GRID2: variants seen among roughly 807,000 people sequenced by gnomAD.
GRID2 encodes glutamate ionotropic receptor delta type subunit 2.
GRID2 carries 33 observed loss-of-function variants against 114.8 expected under a neutral mutation model. The observed-to-expected ratio is 0.29, with a 90% CI of 0.22 to 0.38. The LOEUF (loss-of-function observed/expected upper bound fraction) is 0.38, where lower values mean the gene tolerates loss of function less well. GRID2 is among the 10% of genes least tolerant of loss of function. The pLI is 1.00. For synonymous variants in GRID2, 505 were observed against 449.9 expected (o/e 1.12, Z -1.55); for missense variants, 1,184 against 1,257.7 (o/e 0.94, Z 0.89).
At chr4:92,648,899 G>C (rs1003947664) in intron 2 of GRID2, among the ~76,000 whole-genome samples, 1 of 144,782 alleles carries the variant, frequency 6.9e-6, no homozygotes, top group Non-Finnish European at 1.5e-5. Context: ...TATATTATCA[G>C]ATACATAAAT....
At chr4:93,048,978 C>T (rs372070749) in intron 2 of GRID2, among the ~76,000 whole-genome samples, 5 of 151,940 alleles carry the variant, frequency 3.3e-5, no homozygotes, top group Admixed American at 6.6e-5. Context: ...CTTTGATTTC[C>T]TTGGTGGCCT....
intron 13 of GRID2, among the ~76,000 whole-genome samples, chr4:93,606,531 C>T (rs943809496): frequency 1.3e-5 from 2 of 152,100 alleles, no homozygotes; most frequent in Admixed American, 6.5e-5. Context: ...CAAAAGCAAA[C>T]TTTCTCCCTA....
chr4:92,388,682 C>T (rs1030097450), intron 1 of GRID2, among the ~76,000 whole-genome samples: 3 of 152,000 alleles, frequency 2.0e-5, no homozygotes, highest in South Asian at 2.1e-4. Flanking sequence ...TCCCTACTTC[C>T]GTAGCATTCA....
chr4:93,332,291 T>TGAGAGAGAGAGAGA (rs1439107466), intron 8 of GRID2, among the ~76,000 whole-genome samples: 13 of 107,336 alleles, frequency 1.2e-4, no homozygotes, highest in African/African-American at 6.0e-4. Context: ...TGTGTGTGTG[T>TGAGAGAGAGAGAGA]GTGTGTGTGA....
intron 14 of GRID2, among the ~76,000 whole-genome samples, chr4:93,667,849 GATTTAACGTAAT>G (rs1724081202): frequency 1.3e-5 from 2 of 152,000 alleles, no homozygotes; most frequent in South Asian, 2.1e-4. Context: ...TGTGAAACAA[GATTTAACGTAAT>G]GCAGTGTAGG....
chr4:93,138,984 A>T (rs187005282), intron 4 of GRID2, among the ~76,000 whole-genome samples: 1 of 152,254 alleles, frequency 6.6e-6, no homozygotes, highest in East Asian at 1.9e-4. Flanking sequence ...TACTCTAAAC[A>T]TTTTATAGTT....
At chr4:92,844,314 G>T (rs1743132207) in intron 2 of GRID2, among the ~76,000 whole-genome samples, 1 of 151,926 alleles carries the variant, frequency 6.6e-6, no homozygotes, top group East Asian at 1.9e-4. Context: ...CAAGACGGGT[G>T]GATTATTGGA....
At chr4:93,377,807 T>A (rs1369063432) in intron 8 of GRID2, among the ~76,000 whole-genome samples, 1 of 152,078 alleles carries the variant, frequency 6.6e-6, no homozygotes, top group Non-Finnish European at 1.5e-5. Flanking sequence ...AATTGACAGT[T>A]TTTACTTTAC....
intron 2 of GRID2, among the ~76,000 whole-genome samples, chr4:92,706,309 A>G (rs1296251228): frequency 1.3e-5 from 2 of 152,206 alleles, no homozygotes; most frequent in Non-Finnish European, 2.9e-5. Context: ...CAACGGTTTA[A>G]TGATACTAGA....
At position 93,097,874 on chromosome 4, in the gene GRID2, T is replaced by C. The variant is rs552685468; in HGVS notation, c.529+12595T>C. 1.7e-4 allele frequency among the ~76,000 whole-genome samples: 26 copies of C among 152,052 alleles called. 1 individual carries two copies. The highest frequency in any genetic ancestry group is 6.0e-4 in the African/African-American group (25 of 41,508). On this transcript the variant is annotated intron_variant, in intron 3 of 15. Coordinates refer to ENST00000282020, the MANE Select transcript of GRID2 (RefSeq NM_001510.4). The stretch of plus-strand genomic sequence containing the variant: ...TTCTGGAATAATATTAAATAAGTAG[T>C]CTGTTTTGCTTATAGTCGTTTATCA...
intron 1 of GRID2, among the ~76,000 whole-genome samples, chr4:92,332,062 T>C (rs1454996000): frequency 6.6e-6 from 1 of 152,174 alleles, no homozygotes; most frequent in East Asian, 1.9e-4. Flanking sequence ...GAAATTATGC[T>C]TGAAGCTTAG....
chr4:92,468,456 G>T (rs1208272777), intron 1 of GRID2, among the ~76,000 whole-genome samples: 1 of 151,858 alleles, frequency 6.6e-6, no homozygotes, highest in African/African-American at 2.4e-5. Flanking sequence ...CTACTTGGTG[G>T]CATCCTTAAT....
At chr4:92,329,140 C>A (rs1419318800) in intron 1 of GRID2, among the ~76,000 whole-genome samples, 1 of 151,836 alleles carries the variant, frequency 6.6e-6, no homozygotes, top group Non-Finnish European at 1.5e-5. Context: ...GATTATTAAC[C>A]CTAAATTGTT....
intron 1 of GRID2, among the ~76,000 whole-genome samples, chr4:92,513,923 T>C (rs918239775): frequency 6.6e-6 from 1 of 151,900 alleles, no homozygotes; most frequent in Non-Finnish European, 1.5e-5. Flanking sequence ...ACCAGTTTCT[T>C]CAGGATTTTG....
intron 1 of GRID2, among the ~76,000 whole-genome samples, chr4:92,567,221 T>C (rs1178437369): frequency 1.3e-5 from 2 of 151,988 alleles, no homozygotes; most frequent in Non-Finnish European, 2.9e-5. Context: ...AATGGTGTCA[T>C]TTCTTCTTTT....
chr4:93,230,381 T>C (rs1277977629), intron 7 of GRID2, among the ~76,000 whole-genome samples: 1 of 152,132 alleles, frequency 6.6e-6, no homozygotes, highest in African/African-American at 2.4e-5. Context: ...CGTATTGGCA[T>C]AGACTTAAAA....
chr4:93,695,040 G>A (rs563046676), intron 14 of GRID2, among the ~76,000 whole-genome samples: 2 of 152,008 alleles, frequency 1.3e-5, no homozygotes, highest in South Asian at 4.2e-4. Context: ...GCATGGTGGC[G>A]GGCGCCATTA....
At chr4:93,180,385 G>A (rs957786325) in intron 4 of GRID2, among the ~76,000 whole-genome samples, 1 of 152,142 alleles carries the variant, frequency 6.6e-6, no homozygotes, top group Non-Finnish European at 1.5e-5. Context: ...CCTTTAGTGA[G>A]TCAGGATCTT....
At chr4:93,615,320 C>T (rs1366162407) in intron 13 of GRID2, among the ~76,000 whole-genome samples, 1 of 152,146 alleles carries the variant, frequency 6.6e-6, no homozygotes, top group African/African-American at 2.4e-5. Context: ...TTTAAACACT[C>T]TGAAGCACTT....
Sources: gnomAD v4.1 joint callset for allele counts (sites outside exome capture counted in the v4.1 genomes callset) on GRCh38, gnomAD v4.1.1 for gene constraint, MANE v1.5 for transcripts, NCBI Gene and HGNC (gene_info 2026-07-23, HGNC 2026-07-21) for gene names.